Variants in RYR1 observed in about 807,000 individuals in gnomAD.
The protein encoded by RYR1 is ryanodine receptor 1.
RYR1 carries 342 observed loss-of-function variants against 583.5 expected under a neutral mutation model. The observed-to-expected ratio is 0.59, with a 90% CI of 0.54 to 0.64. The LOEUF (loss-of-function observed/expected upper bound fraction) is 0.64. Among genes scored for constraint, RYR1 ranks in the 30% least tolerant of loss-of-function variants. RYR1 has a pLI of 0.00. For synonymous variants in RYR1, 2,791 were observed against 2,822.5 expected (o/e 0.99, Z 0.35); for missense variants, 6,032 against 6,917.2 (o/e 0.87, Z 4.54).
At position 38,516,054 on chromosome 19, in the gene RYR1, C is replaced by A. The variant is rs1294085987; in HGVS notation, c.9555-33C>A. 5.2e-6 allele frequency: 8 copies of A among 1,540,860 alleles called. No individual in the cohort carries two copies. The South Asian group carries it at 9.6e-5, about 18-fold the overall frequency. The stretch of plus-strand genomic sequence containing the variant: ...GGACCCAGGACCCCAAAGAGGGGGA[C>A]ACGTGGCAGCTAAACACAGCCCCGT... On this transcript the variant is annotated intron_variant, in intron 64 of 105. Transcript: ENST00000359596.
At position 38,501,000 on chromosome 19, in the gene RYR1, C is replaced by G. The variant is rs2960323; in HGVS notation, c.7614+10C>G. On this transcript the variant is annotated intron_variant, in intron 47 of 105. Coordinates refer to ENST00000359596, the MANE Select transcript of RYR1 (RefSeq NM_000540.3). This position sits in a 1 kb window ranked among gnomAD's most constrained non-coding sequence, Gnocchi z 5.9. ...CGCCTCGCTGGACACGGTGAGCAAC[C>G]CTGCCCAGCCTGGCCACCCTCCCCA... is the stretch of plus-strand genomic sequence containing the variant. 0.18 allele frequency: 296,627 copies of G among 1,610,936 alleles called. 29,684 individuals carry two copies. Among genetic ancestry groups the G allele is most frequent in the African/African-American group, 0.34 (25,617 of 74,924 alleles).
chr19:38,535,861 G>A (rs1971939757), intron 81 of RYR1, 136 bp from the exon 82 acceptor site: 1 of 790,412 alleles, frequency 1.3e-6, no homozygotes, highest in Non-Finnish European at 2.2e-6. Context: ...CTTCATTTCT[G>A]CTTCCTCTTG....
rs188343083 is a variant in RYR1 at position 38,480,468 on chromosome 19, C to T, written c.4620+1868C>T. ...TTGTTTCATCTTTTTATATCTACTT[C>T]CCTTCCACACCCACTGGATAATTTT... On this transcript the variant is annotated intron_variant, in intron 31 of 105. Transcript: ENST00000359596. Among the ~76,000 whole-genome samples the T allele has an allele frequency of 1.8e-3, 279 of 152,232 alleles. 1 individual carries two copies. Among genetic ancestry groups the T allele is most frequent in the African/African-American group, 6.3e-3 (262 of 41,538 alleles).
Position 38,448,475 on chromosome 19 carries a change from C to T in RYR1, c.921C>T (p.His307=). The change falls in exon 10 of 106, where the codon CAC becomes CAT. Residue 307 remains histidine, a synonymous_variant. Coordinates refer to ENST00000359596, the MANE Select transcript of RYR1 (RefSeq NM_000540.3). ...TGGTGGTTGACGCCAGCAAGGCTCACACCAAGGCTACCTCCTTCTGCTTCC... is the reference window on the plus strand; with the variant it reads ...TGGTGGTTGACGCCAGCAAGGCTCATACCAAGGCTACCTCCTTCTGCTTCC... ...GLVVVDASKA[H]TKATSFCFRI... The T allele has an allele frequency of 6.2e-7, 1 of 1,614,030 alleles. No individual in the cohort carries two copies. Among genetic ancestry groups the T allele is most frequent in the African/African-American group, 1.3e-5 (1 of 75,036 alleles).
chr19:38,440,783 C>T lies in RYR1; in HGVS notation c.84C>T (p.Leu28=), dbSNP rs781676755. The T allele has an allele frequency of 3.1e-6, 5 of 1,609,038 alleles. No homozygotes were observed. In the Admixed American group the frequency reaches 8.4e-5, roughly 27 times the overall value. The change falls in exon 2 of 106, where the codon CTC becomes CTT. Residue 28 remains leucine, a synonymous_variant. Transcript: ENST00000359596. Reference sequence around the variant, plus strand: ...TCCTGCAGTGCAGCGCTACCGTGCTCAAGGAGCAGCTCAAGCTCTGCCTGG... The same window carrying T: ...TCCTGCAGTGCAGCGCTACCGTGCTTAAGGAGCAGCTCAAGCTCTGCCTGG... The part of the protein sequence containing the change: ...EVVLQCSATV[L]KEQLKLCLAA...
intron 64 of RYR1, 133 bp downstream of exon 64, chr19:38,515,240 T>TC (rs1381511662): frequency 1.7e-5 from 13 of 761,970 alleles, no homozygotes; most frequent in African/African-American, 8.7e-5. Context: ...CAGCCGCGGT[T>TC]CCCCACGGCG....
rs1205485030 is a variant in RYR1, at chr19:38,523,220, T to G, written c.10351T>G (p.Phe3451Val). 6.2e-7 allele frequency: 1 copy of G among 1,613,986 alleles called. No homozygotes were observed. The highest frequency in any genetic ancestry group is 8.5e-7 in the Non-Finnish European group (1 of 1,180,010). Residue 3451 changes from phenylalanine to valine, a missense_variant, in exon 69 of 106, where the codon TTC (phenylalanine) becomes GTC (valine). This residue lies in a region of RYR1 where 1,493 missense variants were observed against 1,715.5 expected (regional missense o/e 0.87). Transcript: ENST00000359596. Reference protein sequence around the residue: ...IFIYWSKSHNFKREEQNFVVQ... With the variant: ...IFIYWSKSHNVKREEQNFVVQ... ...GCAACACTGCTTCCCCCACCAGAAC[T>G]TCAAGCGCGAGGAGCAGAACTTTGT...
rs1972639888 is a variant in RYR1 at position 38,440,832 on chromosome 19, C to G, written c.133C>G (p.Leu45Val). 1 of 1,611,522 alleles carries G rather than the reference C, an allele frequency of 6.2e-7. No individual in the cohort carries two copies. Among genetic ancestry groups the G allele is most frequent in the Non-Finnish European group, 8.5e-7 (1 of 1,179,524 alleles). The change falls in exon 2 of 106, where the codon CTG becomes GTG. Residue 45 changes from leucine (L) to valine (V), a missense_variant. Leu to Val is a conservative substitution (Grantham distance 32). This residue lies in a region of RYR1 where 71 missense variants were observed against 75.3 expected (regional missense o/e 0.94). Transcript: ENST00000359596. ...CLAAEGFGNR[L>V]CFLEPTSNAQ... ...GGCCGCCGAGGGCTTCGGCAACCGC[C>G]TGTGCTTCCTGGAGCCCACTAGCAA... is the stretch of plus-strand genomic sequence containing the variant.
At chr19:38,546,661 A>G in intron 88 of RYR1, 135 bp downstream of exon 88, 1 of 762,576 alleles carries the variant, frequency 1.3e-6, no homozygotes, top group Non-Finnish European at 2.3e-6. Context: ...TTGATGAAGA[A>G]GCCATAATAG....
intron 84 of RYR1, among the ~76,000 whole-genome samples, chr19:38,539,185 C>T (rs1469540974): frequency 8.0e-5 from 12 of 150,866 alleles, no homozygotes; most frequent in South Asian, 2.1e-4. Flanking sequence ...GTGTCCACAA[C>T]GAGTTTTTCA....
intron 69 of RYR1, 138 bp from the exon 70 acceptor site, chr19:38,523,777 G>A: frequency 8.9e-7 from 1 of 1,127,300 alleles, no homozygotes; most frequent in Non-Finnish European, 1.3e-6. Context: ...CCGAGCCAAG[G>A]CCTGGAAATG....
At chr19:38,562,370 T>C (rs1456016870) in intron 90 of RYR1, among the ~76,000 whole-genome samples, 1 of 151,326 alleles carries the variant, frequency 6.6e-6, no homozygotes, top group Non-Finnish European at 1.5e-5. Context: ...GACATATGGT[T>C]CCCCTCCCCA....
chr19:38,524,866 G>T (rs1262007083), intron 70 of RYR1, among the ~76,000 whole-genome samples: 1 of 152,098 alleles, frequency 6.6e-6, no homozygotes, highest in East Asian at 1.9e-4. Flanking sequence ...TATTGTACTG[G>T]GGTTCCTAGG....
At chr19:38,435,472 C>T (rs1244896127) in intron 1 of RYR1, among the ~76,000 whole-genome samples, 1 of 152,318 alleles carries the variant, frequency 6.6e-6, no homozygotes, top group Admixed American at 6.5e-5. Flanking sequence ...TGGCTCATGC[C>T]TGTAATCTCA....
Position 38,572,164 on chromosome 19 carries a change from A to G in RYR1, c.13892A>G (p.Tyr4631Cys), listed in dbSNP as rs1568593922. 1 of 1,613,916 alleles carries G rather than the reference A, an allele frequency of 6.2e-7. No homozygotes were observed. Among genetic ancestry groups the G allele is most frequent in the Non-Finnish European group, 8.5e-7 (1 of 1,179,976 alleles). ...EGDEDENMVY[Y>C]FLEESTGYME... ...GATGAGGATGAGAACATGGTGTACT[A>G]CTTCCTGGAGGAAAGCACAGGCTAC... The change falls in exon 95 of 106, where the codon TAC becomes TGC. Residue 4631 changes from tyrosine to cysteine, a missense_variant. Tyr to Cys is a radical substitution (Grantham distance 194, BLOSUM62 -2). This residue lies in a region of RYR1 where 188 missense variants were observed against 215.6 expected (regional missense o/e 0.87). Coordinates refer to ENST00000359596, the MANE Select transcript of RYR1 (RefSeq NM_000540.3).
In RYR1 at chr19:38,502,729, TGGAGC is replaced by T. The variant is rs1346380289; in HGVS notation, c.7835+5_7835+9del. 1.2e-5 allele frequency: 16 copies of T among 1,306,992 alleles called. No homozygotes were observed. In the Admixed American group the frequency reaches 1.7e-4, roughly 14 times the overall value. The allele number at this position is 1,306,992 out of a possible 1,614,324, so 81.0% of individuals were successfully genotyped here. ...GGACTGCCTCATGTCGCTCTGCAGGTGGAGCGGGGCAGGCTTCAGGGTGGGGCAGG... is the reference window on the plus strand; with the variant it reads ...GGACTGCCTCATGTCGCTCTGCAGGTGGGGCAGGCTTCAGGGTGGGGCAGG... On this transcript the variant is annotated splice_donor_5th_base_variant and intron_variant, in intron 48 of 105. Transcript: ENST00000359596.
Position 38,499,790 on chromosome 19 carries a change from C to G in RYR1, c.7183C>G (p.Pro2395Ala). 6.2e-7 allele frequency: 1 copy of G among 1,604,346 alleles called. No individual in the cohort carries two copies. The highest frequency in any genetic ancestry group is 1.1e-5 in the South Asian group (1 of 90,682). The change falls in exon 44 of 106, where the codon CCA becomes GCA. Residue 2395 changes from proline to alanine, a missense_variant. Coordinates refer to ENST00000359596, the MANE Select transcript of RYR1 (RefSeq NM_000540.3). This position sits in a 1 kb window ranked among gnomAD's most constrained non-coding sequence, Gnocchi z 7.3. Reference sequence around the variant, plus strand: ...CTCCGAGGACCCTGCGAGGGATGGCCCAGGCATCCGCAGGGACCGGCGGCG... The same window carrying G: ...CTCCGAGGACCCTGCGAGGGATGGCGCAGGCATCCGCAGGGACCGGCGGCG... ...RISEDPARDG[P>A]GIRRDRRREH... is the part of the protein sequence containing the mutation.
chr19:38,449,071 G>GGA (rs143389189), intron 11 of RYR1, among the ~76,000 whole-genome samples: 43 of 151,046 alleles, frequency 2.8e-4, no homozygotes, highest in Non-Finnish European at 4.6e-4. Flanking sequence ...ATATCTACAT[G>GGA]GAGAGAGAGA....
In RYR1 at chr19:38,466,384, C is replaced by T; in HGVS notation, c.3164C>T (p.Pro1055Leu). The T allele has an allele frequency of 1.3e-6, 2 of 1,550,106 alleles. No homozygotes were observed. The highest frequency in any genetic ancestry group is 8.7e-7 in the Non-Finnish European group (1 of 1,149,748). Residue 1055 changes from proline (P) to leucine (L), a missense_variant, in exon 24 of 106, where the codon CCT becomes CTT. This residue lies in a region of RYR1 where 2,627 missense variants were observed against 2,961.3 expected (regional missense o/e 0.89). Coordinates refer to ENST00000359596, the MANE Select transcript of RYR1 (RefSeq NM_000540.3). The stretch of plus-strand genomic sequence containing the variant: ...GGCTACGGCTACAACATCGAGCCTC[C>T]TGACCAGGAGCCCAGTGAGTGCTCA... ...LLGYGYNIEP[P>L]DQEPSQVENQ... is the part of the protein sequence containing the mutation.
Sources: gnomAD v4.1 joint callset for allele counts (sites outside exome capture counted in the v4.1 genomes callset) on GRCh38, gnomAD v4.1.1 for gene constraint, gnomAD v4.1.1 regional missense constraint, Gnocchi (gnomAD v3.1) non-coding constraint, MANE v1.5 for transcripts, NCBI Gene and HGNC (gene_info 2026-07-23, HGNC 2026-07-21) for gene names.